SLA2: variants seen among roughly 807,000 people sequenced by gnomAD.
SLA2 encodes the protein src-like-adapter 2.
Under a neutral mutation model 27.3 loss-of-function variants are expected in SLA2, and 22 were observed. The ratio of observed to expected loss-of-function variants is 0.81; its 90% CI spans 0.58 to 1.15. The LOEUF is 1.15. SLA2 is among the 50% of genes most tolerant of loss of function. SLA2 has a pLI of 0.00. For synonymous variants in SLA2, 131 were observed against 137.8 expected (o/e 0.95, Z 0.34); for missense variants, 304 against 322.2 (o/e 0.94, Z 0.43).
chr20:36,641,223 T>C (rs750120453), intron 2 of SLA2, 22 bp downstream of exon 2: 1 of 1,598,798 alleles, frequency 6.3e-7, no homozygotes, highest in Non-Finnish European at 8.6e-7. Flanking sequence ...AGAGCCTGGC[T>C]GTCACAGGCC....
intron 4 of SLA2, 117 bp downstream of exon 4, chr20:36,633,426 G>A (rs2039412256): frequency 3.6e-6 from 3 of 827,610 alleles, no homozygotes; most frequent in Non-Finnish European, 6.1e-6. Flanking sequence ...GGCAGGACCT[G>A]GGTTCGATTC....
At chr20:36,617,355 A>C (rs920161426) in intron 5 of SLA2, among the ~76,000 whole-genome samples, 1 of 151,668 alleles carries the variant, frequency 6.6e-6, no homozygotes, top group Non-Finnish European at 1.5e-5. Flanking sequence ...ACAGAGCGAG[A>C]CTCCATCTCA....
chr20:36,634,635 C>T (rs1265645817), intron 2 of SLA2, 46 bp from the exon 3 acceptor site: 1 of 1,330,384 alleles, frequency 7.5e-7, no homozygotes, highest in Non-Finnish European at 1.1e-6. Flanking sequence ...TAGCCCTGCT[C>T]CACGCATGAG....
intron 5 of SLA2, among the ~76,000 whole-genome samples, chr20:36,630,617 G>A (rs894439574): frequency 6.6e-6 from 1 of 152,148 alleles, no homozygotes; most frequent in Non-Finnish European, 1.5e-5. Context: ...TCTTCCCTAA[G>A]CCTCAGTTTT....
At chr20:36,635,510 G>A (rs112527301) in intron 2 of SLA2, among the ~76,000 whole-genome samples, 2 of 151,894 alleles carry the variant, frequency 1.3e-5, no homozygotes, top group East Asian at 1.9e-4. Flanking sequence ...GGGCTGAAGG[G>A]CCTGTGCTCC....
chr20:36,634,157 T>A (rs2039420249), intron 3 of SLA2, among the ~76,000 whole-genome samples: 1 of 151,736 alleles, frequency 6.6e-6, no homozygotes, highest in African/African-American at 2.4e-5. Flanking sequence ...CCGGCTAATT[T>A]TTGTATTTTT....
At position 36,614,457 on chromosome 20, in the gene SLA2, C is replaced by A; in HGVS notation, c.533-20G>T. 6.3e-7 allele frequency: 1 copy of A among 1,588,166 alleles called. No individual in the cohort carries two copies. Among genetic ancestry groups the A allele is most frequent in the Non-Finnish European group, 8.6e-7 (1 of 1,166,452 alleles). ...CCAGCTCTGAGGAAGAGACCTCCAT[C>A]CCTGACATGACTGACTCCACCCTAC... On this transcript the variant is annotated intron_variant, in intron 6 of 7. Transcript: ENST00000262866.
chr20:36,615,002 C>T (rs2039191537), intron 6 of SLA2: 1 of 985,430 alleles, frequency 1.0e-6, no homozygotes. Flanking sequence ...AAGGTACTGA[C>T]CTGAGCCTAC....
chr20:36,612,562 T>TTGA lies in SLA2; in HGVS notation c.*1301_*1303dup. The stretch of plus-strand genomic sequence containing the variant: ...AATCAAATCTTTAATTGAGAACCTG[T>TTGA]TGATGATACCTGATAAAGCCTTTCC... On this transcript the variant is annotated 3_prime_UTR_variant, in exon 8 of 8. Coordinates refer to ENST00000262866, the MANE Select transcript of SLA2 (RefSeq NM_032214.4). 1 of 329,008 alleles carries TTGA rather than the reference T, an allele frequency of 3.0e-6. No homozygotes were observed. Among genetic ancestry groups the TTGA allele is most frequent in the South Asian group, 2.8e-5 (1 of 35,264 alleles). 20.4% of individuals were successfully genotyped at this position (329,008 alleles called of 1,614,324 possible).
rs752273247 is a variant in SLA2 at position 36,634,507 on chromosome 20, T to C, written c.174A>G (p.Pro58=). ...GGACTTACTCAGAGACGATGGTCAA[T>C]GGCTCCCCGAGTCTCAGCGACAGCT... The part of the protein sequence containing the change: ...PAELSLRLGE[P]LTIVSEDGDW... Residue 58 remains proline (P), a synonymous_variant, in exon 3 of 8, where the codon CCA becomes CCG. Coordinates refer to ENST00000262866, the MANE Select transcript of SLA2 (RefSeq NM_032214.4). The C allele has an allele frequency of 3.1e-6, 5 of 1,610,592 alleles. No individual in the cohort carries two copies.
In SLA2 at chr20:36,613,274, C is replaced by T. The variant is rs907473687; in HGVS notation, c.*592G>A. On this transcript the variant is annotated 3_prime_UTR_variant, in exon 8 of 8. Transcript: ENST00000262866. ...TCCTCAATGGGGGACATTTGAGGAC[C>T]TAGACTGTCCGAAGTCTTTCTCTTT... 1 of 152,368 alleles carries T rather than the reference C, an allele frequency of 6.6e-6. No individual in the cohort carries two copies. Among genetic ancestry groups the T allele is most frequent in the African/African-American group, 2.4e-5 (1 of 41,444 alleles). 9.4% of individuals were successfully genotyped at this position (152,368 alleles called of 1,614,324 possible).
At chr20:36,645,165 A>ACCCCCCCCC (rs74173989) in intron 1 of SLA2, among the ~76,000 whole-genome samples, 1 of 137,794 alleles carries the variant, frequency 7.3e-6, no homozygotes, top group Admixed American at 7.5e-5. Flanking sequence ...CATAGTGAGA[A>ACCCCCCCCC]CCCCCACCCC....
intron 1 of SLA2, among the ~76,000 whole-genome samples, chr20:36,644,821 AAGTT>A (rs1229117613): frequency 6.6e-6 from 1 of 151,994 alleles, no homozygotes; most frequent in East Asian, 1.9e-4. Flanking sequence ...TGAAAGGAAA[AAGTT>A]AGTCAACGGC....
In SLA2 at chr20:36,613,643, ACT is replaced by A; in HGVS notation, c.*221_*222del. 1 of 488,882 alleles carries A rather than the reference ACT, an allele frequency of 2.0e-6. No homozygotes were observed. The highest frequency in any genetic ancestry group is 3.6e-6 in the Non-Finnish European group (1 of 279,902). The allele number at this position is 488,882 out of a possible 1,614,324, so 30.3% of individuals were successfully genotyped here. A position where few individuals can be genotyped will look rare whatever the true frequency, so the allele number is the denominator to read the frequency against. The stretch of plus-strand genomic sequence containing the variant: ...CTGGCCCTGGTCCCACCTTCTCTGC[ACT>A]CGCACTAGAGGTCGCAGGTGGGATC... On this transcript the variant is annotated 3_prime_UTR_variant, in exon 8 of 8. Coordinates refer to ENST00000262866, the MANE Select transcript of SLA2 (RefSeq NM_032214.4).
intron 1 of SLA2, among the ~76,000 whole-genome samples, chr20:36,643,678 G>A (rs894118549): frequency 3.9e-5 from 6 of 152,188 alleles, no homozygotes; most frequent in Non-Finnish European, 7.3e-5. Flanking sequence ...TGGGCCGGGC[G>A]CGGTGGCTCA....
Position 36,613,651 on chromosome 20 carries a change from T to C in SLA2, c.*215A>G. On this transcript the variant is annotated 3_prime_UTR_variant, in exon 8 of 8. Coordinates refer to ENST00000262866, the MANE Select transcript of SLA2 (RefSeq NM_032214.4). Reference sequence around the variant, plus strand: ...GGTCCCACCTTCTCTGCACTCGCACTAGAGGTCGCAGGTGGGATCATGGCA... The same window carrying C: ...GGTCCCACCTTCTCTGCACTCGCACCAGAGGTCGCAGGTGGGATCATGGCA... 1 of 519,568 alleles carries C rather than the reference T, an allele frequency of 1.9e-6. No homozygotes were observed. The highest frequency in any genetic ancestry group is 2.8e-5 in the South Asian group (1 of 35,266). The allele number at this position is 519,568 out of a possible 1,614,324, so 32.2% of individuals were successfully genotyped here. A position where few individuals can be genotyped will look rare whatever the true frequency, so the allele number is the denominator to read the frequency against.
chr20:36,636,958 C>T (rs115761360), intron 2 of SLA2, among the ~76,000 whole-genome samples: 2,352 of 151,640 alleles, frequency 0.016, 69 homozygotes, highest in African/African-American at 0.054. Context: ...CCCCCACCCC[C>T]CCCAAAAAAA....
At chr20:36,628,724 A>ATT (rs560687670) in intron 5 of SLA2, among the ~76,000 whole-genome samples, 3 of 146,974 alleles carry the variant, frequency 2.0e-5, no homozygotes, top group African/African-American at 7.5e-5. Flanking sequence ...TTAAAAAAAA[A>ATT]TTTTTTTTTT....
At chr20:36,632,846 A>AG in intron 4 of SLA2, 148 bp from the exon 5 acceptor site, 1 of 645,562 alleles carries the variant, frequency 1.5e-6, no homozygotes, top group Non-Finnish European at 2.7e-6. Flanking sequence ...AGCTGGGCTC[A>AG]GGGTCTCCGA....
Sources: allele counts gnomAD v4.1 joint callset (sites outside exome capture counted in the v4.1 genomes callset), GRCh38; gene constraint gnomAD v4.1.1; transcripts MANE v1.5; gene names NCBI Gene and HGNC (gene_info 2026-07-23, HGNC 2026-07-21).